The following CLDN10 variants were observed in gnomAD, a reference collection of about 807,000 sequenced individuals.
The protein encoded by CLDN10 is claudin-10.
CLDN10 carries 15 observed loss-of-function variants against 22.9 expected under a neutral mutation model. The ratio of observed to expected loss-of-function variants is 0.65; its 90% CI spans 0.44 to 1.01. The LOEUF (loss-of-function observed/expected upper bound fraction) is 1.01. Among genes scored for constraint, CLDN10 ranks in the 50% least tolerant of loss-of-function variants. The pLI is 0.00. For synonymous variants in CLDN10, 114 were observed against 111.4 expected (o/e 1.02, Z -0.15); for missense variants, 247 against 287.8 (o/e 0.86, Z 1.03).
rs141437150 is a variant in CLDN10 at position 95,485,969 on chromosome 13, C to T, written c.214+51922C>T. Among the ~76,000 whole-genome samples, 309 of 152,320 alleles carry T rather than the reference C, an allele frequency of 2.0e-3. 1 individual carries two copies. Among genetic ancestry groups the T allele is most frequent in the African/African-American group, 6.9e-3 (286 of 41,584 alleles). On this transcript the variant is annotated intron_variant, in intron 1 of 4. Transcript: ENST00000376873. ...GATTCTGTTTCTGTTCCTCTTAGGA[C>T]AAGATGTCCTCCAATGCTGTGGTCC...
intron 1 of CLDN10, among the ~76,000 whole-genome samples, chr13:95,508,014 G>A (rs2138554218): frequency 6.6e-6 from 1 of 152,230 alleles, no homozygotes; most frequent in Admixed American, 6.5e-5. Context: ...CTTGAGCCCA[G>A]GAGGTGGAGG....
intron 1 of CLDN10, among the ~76,000 whole-genome samples, chr13:95,531,471 C>A (rs576027109): frequency 6.6e-6 from 1 of 152,200 alleles, no homozygotes; most frequent in East Asian, 1.9e-4. Context: ...AAACTCTTAT[C>A]CAGATTACAG....
rs1480313774 is a variant in CLDN10 at position 95,514,776 on chromosome 13, G to C, written c.215-45356G>C. 4.6e-5 allele frequency among the ~76,000 whole-genome samples: 7 copies of C among 152,058 alleles called. No homozygotes were observed. The East Asian group carries it at 1.4e-3, about 29-fold the overall frequency. On this transcript the variant is annotated intron_variant, in intron 1 of 4. Transcript: ENST00000376873. ...CCTTTAAGGGGTTGAAGCAGGTAGGGGTGTGTGTGACATGATTTGCTTTAT... is the reference window on the plus strand; with the variant it reads ...CCTTTAAGGGGTTGAAGCAGGTAGGCGTGTGTGTGACATGATTTGCTTTAT...
At chr13:95,577,541 T>C (rs2043952719) in intron 4 of CLDN10, among the ~76,000 whole-genome samples, 1 of 152,244 alleles carries the variant, frequency 6.6e-6, no homozygotes, top group South Asian at 2.1e-4. Context: ...AATAAGGGTC[T>C]GAATATGAGG....
chr13:95,575,586 A>G (rs2043913598), intron 3 of CLDN10, among the ~76,000 whole-genome samples: 1 of 101,524 alleles, frequency 9.8e-6, no homozygotes, highest in Non-Finnish European at 2.4e-5. Context: ...TTCGCTGCTC[A>G]GTTCGTGTGT....
intron 1 of CLDN10, among the ~76,000 whole-genome samples, chr13:95,495,606 T>G (rs1315001566): frequency 6.6e-6 from 1 of 150,780 alleles, no homozygotes; most frequent in African/African-American, 2.4e-5. Context: ...TAGCCGGGCA[T>G]AGTGGCGCGC....
At chr13:95,524,382 G>T (rs2043255951) in intron 1 of CLDN10, among the ~76,000 whole-genome samples, 1 of 152,164 alleles carries the variant, frequency 6.6e-6, no homozygotes, top group African/African-American at 2.4e-5. Flanking sequence ...ATATTACTAT[G>T]TTGTGCAACC....
At position 95,475,167 on chromosome 13, in the gene CLDN10, AGACG is replaced by A. The variant is rs1403995675; in HGVS notation, c.214+41122_214+41125del. On this transcript the variant is annotated intron_variant, in intron 1 of 4. Coordinates refer to the CLDN10 transcript ENST00000376873. ...GTCCCACAACTCGGATCAGAGGATC[AGACG>A]GCAGCAGCTCCCTGCCAGGGATTAA... 1.2e-4 allele frequency among the ~76,000 whole-genome samples: 17 copies of A among 146,064 alleles called. No individual in the cohort carries two copies. The South Asian group carries it at 1.8e-3, about 15-fold the overall frequency.
intron 1 of CLDN10, among the ~76,000 whole-genome samples, chr13:95,468,770 C>T (rs952097970): frequency 2.2e-4 from 34 of 151,976 alleles, no homozygotes; most frequent in African/African-American, 8.2e-4. Flanking sequence ...GCTAAGGACA[C>T]ACTTAGCTAC....
chr13:95,505,749 CT>C (rs34828390), intron 1 of CLDN10, among the ~76,000 whole-genome samples: 25,283 of 103,510 alleles, frequency 0.24, 1,029 homozygotes, highest in East Asian at 0.33. Context: ...CCTTCCCTTT[CT>C]TTTTTTTTTT....
intron 1 of CLDN10, among the ~76,000 whole-genome samples, chr13:95,448,708 A>G (rs897871438): frequency 2.8e-5 from 3 of 105,674 alleles, no homozygotes; most frequent in African/African-American, 8.6e-5. Flanking sequence ...ATCTTTGTCC[A>G]CTAAGCCATA....
chr13:95,497,855 A>AAGAAG (rs950476509), intron 1 of CLDN10, among the ~76,000 whole-genome samples: 1 of 150,088 alleles, frequency 6.7e-6, no homozygotes, highest in African/African-American at 2.4e-5. Flanking sequence ...GAAAAAATCA[A>AAGAAG]AGAAGAGAAG....
intron 1 of CLDN10, among the ~76,000 whole-genome samples, chr13:95,500,390 T>G (rs893606203): frequency 1.3e-5 from 2 of 152,184 alleles, no homozygotes; most frequent in Non-Finnish European, 2.9e-5. Flanking sequence ...CATGCAATGA[T>G]CCAGGAAGGA....
chr13:95,569,876 C>A (rs1335312376), intron 3 of CLDN10, among the ~76,000 whole-genome samples: 1 of 151,996 alleles, frequency 6.6e-6, no homozygotes, highest in Non-Finnish European at 1.5e-5. Context: ...TCACGCCATT[C>A]TCCTGCCTCA....
chr13:95,529,622 A>G (rs550333797), intron 1 of CLDN10, among the ~76,000 whole-genome samples: 23 of 152,182 alleles, frequency 1.5e-4, no homozygotes, highest in Non-Finnish European at 2.6e-4. Context: ...TAGTATTCAT[A>G]CAGAAGTGGT....
intron 1 of CLDN10, among the ~76,000 whole-genome samples, chr13:95,504,201 A>G (rs1254551318): frequency 6.6e-6 from 1 of 152,180 alleles, no homozygotes; most frequent in East Asian, 1.9e-4. Flanking sequence ...AGTGAGGTGA[A>G]TAGTGTAAGT....
At chr13:95,556,336 C>A (rs574201542) in intron 1 of CLDN10, among the ~76,000 whole-genome samples, 1 of 152,160 alleles carries the variant, frequency 6.6e-6, no homozygotes, top group Non-Finnish European at 1.5e-5. Context: ...ATGAGCCATG[C>A]GCCCAGCCCT....
chr13:95,538,041 A>G (rs1304027408), intron 1 of CLDN10, among the ~76,000 whole-genome samples: 1 of 152,188 alleles, frequency 6.6e-6, no homozygotes, highest in African/African-American at 2.4e-5. Context: ...AACGTTGCCA[A>G]GAAGATCTGC....
At chr13:95,577,145 A>G in intron 3 of CLDN10, 86 bp from the exon 4 acceptor site, 2 of 838,376 alleles carry the variant, frequency 2.4e-6, no homozygotes, top group Non-Finnish European at 3.9e-6. Flanking sequence ...CATAATAAGC[A>G]TTTAGTAAAT....
Sources: gnomAD v4.1 joint callset for allele counts (sites outside exome capture counted in the v4.1 genomes callset) on GRCh38, gnomAD v4.1.1 for gene constraint, MANE v1.5 for transcripts, NCBI Gene and HGNC (gene_info 2026-07-23, HGNC 2026-07-21) for gene names.